CNTNAP2: variants seen among roughly 807,000 people sequenced by gnomAD.
The protein encoded by CNTNAP2 is contactin-associated protein-like 2.
In CNTNAP2, 98 loss-of-function variants were observed where a neutral mutation model predicts 155.2. The observed-to-expected ratio is 0.63, with a 90% confidence interval of 0.54 to 0.75. The LOEUF (loss-of-function observed/expected upper bound fraction) is 0.75, where lower values mean the gene tolerates loss of function less well. Ranked by LOEUF, CNTNAP2 falls within the 30% of genes least tolerant of loss-of-function variation. The pLI, the probability that CNTNAP2 is intolerant of heterozygous loss-of-function variation, is 0.00. For missense variants in CNTNAP2, 1,727 were observed against 1,688.1 expected (o/e 1.02, Z -0.40); for synonymous variants, 651 against 631.2 (o/e 1.03, Z -0.47).
chr7:147,639,577 T>C (rs1321602759), intron 13 of CNTNAP2, among the ~76,000 whole-genome samples: 1 of 152,230 alleles, frequency 6.6e-6, no homozygotes, highest in Non-Finnish European at 1.5e-5. Flanking sequence ...CTGTCAGTAG[T>C]GGCTGTGGGA....
At chr7:147,319,819 T>A (rs1326852392) in intron 9 of CNTNAP2, among the ~76,000 whole-genome samples, 1 of 152,216 alleles carries the variant, frequency 6.6e-6, no homozygotes, top group East Asian at 1.9e-4. Context: ...TAGTAACGAT[T>A]TAAACTGGAT....
chr7:147,630,921 G>A (rs2116909823), intron 12 of CNTNAP2, among the ~76,000 whole-genome samples: 1 of 152,174 alleles, frequency 6.6e-6, no homozygotes, highest in South Asian at 2.1e-4. Flanking sequence ...ACAAGAGAAG[G>A]ATGCCCACCC....
At chr7:146,512,657 C>A (rs569666971) in intron 1 of CNTNAP2, among the ~76,000 whole-genome samples, 4 of 151,804 alleles carry the variant, frequency 2.6e-5, no homozygotes, top group African/African-American at 9.6e-5. Flanking sequence ...ATATTTAATA[C>A]TTGACTGTTT....
At chr7:146,877,621 G>GTGTA (rs61387703) in intron 3 of CNTNAP2, among the ~76,000 whole-genome samples, 27 of 151,174 alleles carry the variant, frequency 1.8e-4, no homozygotes, top group African/African-American at 5.6e-4. Context: ...ATATATGTGT[G>GTGTA]TGTATGTATG....
At chr7:147,398,444 A>G (rs1367429486) in intron 10 of CNTNAP2, among the ~76,000 whole-genome samples, 3 of 151,882 alleles carry the variant, frequency 2.0e-5, no homozygotes, top group Non-Finnish European at 4.4e-5. Flanking sequence ...GGTAAAAAAA[A>G]TAAAAGAGCT....
intron 10 of CNTNAP2, among the ~76,000 whole-genome samples, chr7:147,397,891 C>G (rs568002036): frequency 6.6e-6 from 1 of 151,948 alleles, no homozygotes; most frequent in East Asian, 1.9e-4. Context: ...AAAAGATTAG[C>G]TGCAGGGAAG....
intron 13 of CNTNAP2, among the ~76,000 whole-genome samples, chr7:147,879,913 C>T (rs1351329147): frequency 6.6e-6 from 1 of 152,182 alleles, no homozygotes; most frequent in Non-Finnish European, 1.5e-5. Context: ...CTTTCCCTAA[C>T]TGTGTATTTC....
intron 3 of CNTNAP2, among the ~76,000 whole-genome samples, chr7:146,977,267 GACAC>G (rs1194214063): frequency 6.6e-6 from 1 of 152,036 alleles, no homozygotes; most frequent in Non-Finnish European, 1.5e-5. Flanking sequence ...ACAACATAGA[GACAC>G]ACACACATAT....
Position 146,483,282 on chromosome 7 carries a change from A to ATAT in CNTNAP2, c.98-290989_98-290988insTAT, listed in dbSNP as rs1554439529. Among the ~76,000 whole-genome samples, 56 of 39,870 alleles carry ATAT rather than the reference A, an allele frequency of 1.4e-3. 1 individual carries two copies. Among genetic ancestry groups the ATAT allele is most frequent in the Non-Finnish European group, 2.2e-3 (43 of 19,954 alleles). 26.2% of individuals were successfully genotyped at this position (39,870 alleles called of 152,430 possible). Reference sequence around the variant, plus strand: ...CAGAGCAAGACTCCGTCTAAAAAAAAATATATATATATATATATATATATA... The same window carrying ATAT: ...CAGAGCAAGACTCCGTCTAAAAAAAATATATATATATATATATATATATATATA... On this transcript the variant is annotated intron_variant, in intron 1 of 23. Coordinates refer to ENST00000361727, the MANE Select transcript of CNTNAP2 (RefSeq NM_014141.6).
At chr7:148,328,774 C>T in intron 21 of CNTNAP2, among the ~76,000 whole-genome samples, 1 of 27,650 alleles carries the variant, frequency 3.6e-5, no homozygotes, top group South Asian at 2.3e-3. Context: ...TTGAGACCAG[C>T]CTGACCAACA....
At chr7:147,869,375 G>A (rs539517563) in intron 13 of CNTNAP2, among the ~76,000 whole-genome samples, 1 of 152,270 alleles carries the variant, frequency 6.6e-6, no homozygotes, top group African/African-American at 2.4e-5. Flanking sequence ...AAGTTTCATA[G>A]AAGAAAAATG....
At chr7:148,117,852 T>A (rs1804509286) in intron 15 of CNTNAP2, among the ~76,000 whole-genome samples, 1 of 150,160 alleles carries the variant, frequency 6.7e-6, no homozygotes, top group Non-Finnish European at 1.5e-5. Flanking sequence ...ATAGAAATTC[T>A]ATATTAATAT....
intron 11 of CNTNAP2, 31 bp from the exon 12 acceptor site, chr7:147,562,107 G>A (rs755952161): frequency 6.2e-7 from 1 of 1,613,528 alleles, no homozygotes; most frequent in Non-Finnish European, 8.5e-7. Context: ...GTTCTGTGCT[G>A]TGCTTATGTA....
At chr7:146,677,924 T>C (rs1028373195) in intron 1 of CNTNAP2, among the ~76,000 whole-genome samples, 1 of 152,064 alleles carries the variant, frequency 6.6e-6, no homozygotes, top group Admixed American at 6.6e-5. Context: ...ATGACTGATG[T>C]CCCACGCTCA....
In CNTNAP2 at chr7:146,242,140, GTA is replaced by G. The variant is rs535886719; in HGVS notation, c.97+125169_97+125170del. Among the ~76,000 whole-genome samples, 3 of 152,138 alleles carry G rather than the reference GTA, an allele frequency of 2.0e-5. No homozygotes were observed. The South Asian group carries it at 6.2e-4, about 31-fold the overall frequency. ...AATGTTTCACTCATTGTTTTTGTAA[GTA>G]TTGAGTAAAATCACTGAACTGGTGA... On this transcript the variant is annotated intron_variant, in intron 1 of 23. Coordinates refer to ENST00000361727, the MANE Select transcript of CNTNAP2 (RefSeq NM_014141.6).
At chr7:146,759,206 A>T (rs911668821) in intron 1 of CNTNAP2, among the ~76,000 whole-genome samples, 1 of 152,166 alleles carries the variant, frequency 6.6e-6, no homozygotes, top group African/African-American at 2.4e-5. Context: ...AAATCAATGC[A>T]ACATATTTTT....
At chr7:147,594,837 T>G (rs746009336) in intron 12 of CNTNAP2, among the ~76,000 whole-genome samples, 3 of 152,116 alleles carry the variant, frequency 2.0e-5, no homozygotes, top group Non-Finnish European at 4.4e-5. Context: ...AAAGAGAGCA[T>G]GGTAAAAACA....
intron 10 of CNTNAP2, among the ~76,000 whole-genome samples, chr7:147,466,096 C>G (rs1037728011): frequency 1.3e-5 from 2 of 152,038 alleles, no homozygotes; most frequent in South Asian, 4.1e-4. Context: ...GAATAAAGGC[C>G]AAAGATACAG....
In CNTNAP2 at chr7:147,255,666, C is replaced by T. The variant is rs550687154; in HGVS notation, c.1349-44475C>T. On this transcript the variant is annotated intron_variant, in intron 8 of 23. Coordinates refer to ENST00000361727, the MANE Select transcript of CNTNAP2 (RefSeq NM_014141.6). ...ATGGAGATAAAAGTAATACATTTTA[C>T]GATAAAACCACTCTTCCTTTTGTTT... Among the ~76,000 whole-genome samples, 34 of 152,242 alleles carry T rather than the reference C, an allele frequency of 2.2e-4. No individual in the cohort carries two copies. In the South Asian group the frequency reaches 5.4e-3, roughly 24 times the overall value.
Sources: allele counts gnomAD v4.1 joint callset (sites outside exome capture counted in the v4.1 genomes callset), GRCh38; gene constraint gnomAD v4.1.1; transcripts MANE v1.5; gene names NCBI Gene and HGNC (gene_info 2026-07-23, HGNC 2026-07-21).